The following IL1RAPL1 variants were observed in gnomAD, a reference collection of about 807,000 sequenced individuals.
The protein encoded by IL1RAPL1 is interleukin 1 receptor accessory protein like 1, also known as interleukin-1 receptor accessory protein-like 1.
A neutral mutation model predicts 48.4 loss-of-function variants in IL1RAPL1; 3 were observed. That is an observed-to-expected ratio of 0.06 (90% confidence interval 0.03 to 0.16). The LOEUF (loss-of-function observed/expected upper bound fraction) is 0.16. Among genes scored for constraint, IL1RAPL1 ranks in the 10% least tolerant of loss-of-function variants. The pLI is 1.00. For synonymous variants in IL1RAPL1, 185 were observed against 187.7 expected (o/e 0.99, Z 0.12); for missense variants, 349 against 530.6 (o/e 0.66, Z 3.36).
chrX:28,630,841 A>G (rs1373994626), intron 1 of IL1RAPL1, among the ~76,000 whole-genome samples: 2 of 112,025 alleles, frequency 1.8e-5, no homozygotes, highest in African/African-American at 6.5e-5. Context: ...TAATTCATTC[A>G]GAAATGTTCA....
At chrX:29,688,756 G>C (rs370768570) in intron 6 of IL1RAPL1, among the ~76,000 whole-genome samples, 90 of 92,666 alleles carry the variant, frequency 9.7e-4, no homozygotes, top group South Asian at 2.0e-3. Flanking sequence ...CTCTCTCTCT[G>C]TGTGTGTCTG....
At chrX:29,682,037 A>G (rs1239803945) in intron 6 of IL1RAPL1, among the ~76,000 whole-genome samples, 1 of 112,032 alleles carries the variant, frequency 8.9e-6, no homozygotes, top group Non-Finnish European at 1.9e-5. Context: ...ATATGCATAT[A>G]TCAAAATATC....
chrX:28,650,384 A>T (rs1459476663), intron 1 of IL1RAPL1, among the ~76,000 whole-genome samples: 2 of 111,509 alleles, frequency 1.8e-5, no homozygotes, highest in Non-Finnish European at 3.8e-5. Context: ...TACATGGATG[A>T]CAGCAGGCAA....
At chrX:29,317,898 C>T (rs1306193894) in intron 3 of IL1RAPL1, among the ~76,000 whole-genome samples, 4 of 111,844 alleles carry the variant, frequency 3.6e-5, no homozygotes, top group South Asian at 7.4e-4. Flanking sequence ...ATATGTGATA[C>T]ATTTAATGAA....
chrX:29,287,080 C>T (rs924958899), intron 3 of IL1RAPL1, among the ~76,000 whole-genome samples: 1 of 111,134 alleles, frequency 9.0e-6, no homozygotes, highest in African/African-American at 3.3e-5. Flanking sequence ...TTTATAGCTA[C>T]ATCCATCTCT....
At chrX:29,853,191 T>TAAAA (rs35378764) in intron 6 of IL1RAPL1, among the ~76,000 whole-genome samples, 1 of 88,072 alleles carries the variant, frequency 1.1e-5, no homozygotes. Flanking sequence ...ATTATGGCTT[T>TAAAA]AAAAAAAAAA....
intron 3 of IL1RAPL1, among the ~76,000 whole-genome samples, chrX:29,308,867 C>T (rs1179338347): frequency 1.8e-5 from 2 of 111,846 alleles, no homozygotes; most frequent in Non-Finnish European, 3.8e-5. Context: ...CAAGGGACAT[C>T]TTCAGGGTCT....
intron 5 of IL1RAPL1, among the ~76,000 whole-genome samples, chrX:29,493,665 G>A (rs536688200): frequency 9.0e-6 from 1 of 111,620 alleles, no homozygotes; most frequent in East Asian, 2.8e-4. Context: ...AAAGTAATAT[G>A]TTTAAAAATC....
intron 2 of IL1RAPL1, among the ~76,000 whole-genome samples, chrX:28,862,891 T>C (rs1007520471): frequency 1.1e-4 from 12 of 110,957 alleles, no homozygotes; most frequent in Non-Finnish European, 1.9e-4. Flanking sequence ...ATGCCATTTT[T>C]TTTTTTTTAG....
chrX:29,230,522 A>AAAAAAAAAAAAAAAAAAC (rs1931178887), intron 2 of IL1RAPL1, among the ~76,000 whole-genome samples: 1 of 90,822 alleles, frequency 1.1e-5, no homozygotes, highest in African/African-American at 4.2e-5. Flanking sequence ...AAAAAAAAAA[A>AAAAAAAAAAAAAAAAAAC]AAAAAAAAAA....
intron 2 of IL1RAPL1, among the ~76,000 whole-genome samples, chrX:29,253,911 A>C (rs1448622053): frequency 8.9e-6 from 1 of 111,772 alleles, no homozygotes; most frequent in Non-Finnish European, 1.9e-5. Flanking sequence ...TAAATAGGTG[A>C]GTAGCCCCAA....
At chrX:28,796,985 C>T (rs776796356) in intron 2 of IL1RAPL1, among the ~76,000 whole-genome samples, 3 of 112,510 alleles carry the variant, frequency 2.7e-5, no homozygotes, top group South Asian at 7.4e-4. Flanking sequence ...CAATTCTTGA[C>T]TTCCGTGCAC....
intron 2 of IL1RAPL1, among the ~76,000 whole-genome samples, chrX:29,193,060 A>T (rs903124207): frequency 4.5e-5 from 5 of 111,030 alleles, no homozygotes; most frequent in Admixed American, 3.9e-4. Context: ...CATGCTTATA[A>T]ACATTCTTCA....
At chrX:28,699,913 C>T (rs1362629208) in intron 1 of IL1RAPL1, among the ~76,000 whole-genome samples, 1 of 111,206 alleles carries the variant, frequency 9.0e-6, no homozygotes, top group Non-Finnish European at 1.9e-5. Flanking sequence ...GATCATTATA[C>T]CTTTACTGCA....
chrX:29,282,859 A>G, intron 2 of IL1RAPL1, 79 bp from the exon 3 acceptor site: 1 of 1,001,700 alleles, frequency 1.0e-6, no homozygotes, highest in Non-Finnish European at 1.4e-6. Flanking sequence ...TATTTGTTGG[A>G]TGAATGAATA....
chrX:28,866,910 C>A (rs942896831), intron 2 of IL1RAPL1, among the ~76,000 whole-genome samples: 2 of 111,672 alleles, frequency 1.8e-5, no homozygotes, highest in African/African-American at 6.5e-5. Flanking sequence ...GTCTTCATAA[C>A]AAGATGATAT....
rs776760930 is a variant in IL1RAPL1, at chrX:28,792,055, A to G, written c.82+2630A>G. 5.4e-5 allele frequency among the ~76,000 whole-genome samples: 6 copies of G among 112,148 alleles called. No individual in the cohort carries two copies. In the South Asian group the frequency reaches 2.2e-3, roughly 42 times the overall value. On this transcript the variant is annotated intron_variant, in intron 2 of 10. Coordinates refer to ENST00000378993, the MANE Select transcript of IL1RAPL1 (RefSeq NM_014271.4). ...AAATCAATTTTTGATGTTTGATTTT[A>G]CGTATTAACCAAGAGGACTTCTTAT... is the stretch of plus-strand genomic sequence containing the variant.
chrX:29,336,442 T>G (rs188920901), intron 3 of IL1RAPL1, among the ~76,000 whole-genome samples: 1 of 106,926 alleles, frequency 9.4e-6, no homozygotes, highest in African/African-American at 3.4e-5. Flanking sequence ...TTTAAGGATA[T>G]TCACAAGAAT....
intron 6 of IL1RAPL1, among the ~76,000 whole-genome samples, chrX:29,741,852 G>A (rs1399318591): frequency 9.9e-6 from 1 of 101,406 alleles, no homozygotes; most frequent in African/African-American, 3.6e-5. Context: ...CTGAACCTGG[G>A]AGATGAAGGT....
Sources: allele counts gnomAD v4.1 joint callset (sites outside exome capture counted in the v4.1 genomes callset), GRCh38; gene constraint gnomAD v4.1.1; transcripts MANE v1.5; gene names NCBI Gene and HGNC (gene_info 2026-07-23, HGNC 2026-07-21).